LPGAT1: variants seen among roughly 807,000 people sequenced by gnomAD.
LPGAT1 encodes the protein lysophosphatidylglycerol acyltransferase 1.
A neutral mutation model predicts 47.5 loss-of-function variants in LPGAT1; 11 were observed. The ratio of observed to expected loss-of-function variants is 0.23; its 90% confidence interval spans 0.15 to 0.38. LPGAT1 has a LOEUF of 0.38. Ranked by LOEUF, LPGAT1 falls within the 10% of genes least tolerant of loss-of-function variation. The pLI is 1.00. For synonymous variants in LPGAT1, 138 were observed against 144.2 expected, an observed-to-expected ratio of 0.96 and a Z score of 0.31; for missense variants, 293 against 439.0, an observed-to-expected ratio of 0.67 and a Z score of 2.97.
chr1:211,785,083 G>A (rs1048285206), intron 4 of LPGAT1, among the ~76,000 whole-genome samples: 28 of 152,166 alleles, frequency 1.8e-4, no homozygotes, highest in East Asian at 3.9e-4. Context: ...GATTACAGGC[G>A]TGAGCCACTG....
chr1:211,777,802 G>A (rs1053995454), intron 6 of LPGAT1, among the ~76,000 whole-genome samples: 1 of 152,132 alleles, frequency 6.6e-6, no homozygotes, highest in East Asian at 1.9e-4. Flanking sequence ...AGACCTACTC[G>A]GCTGCATTCC....
intron 6 of LPGAT1, among the ~76,000 whole-genome samples, chr1:211,753,663 G>C (rs1657306348): frequency 6.6e-6 from 1 of 152,144 alleles, no homozygotes; most frequent in African/African-American, 2.4e-5. Flanking sequence ...AAAGGTTAAT[G>C]AACCCCCATG....
chr1:211,776,042 T>G (rs1409870086), intron 6 of LPGAT1, among the ~76,000 whole-genome samples: 1 of 147,524 alleles, frequency 6.8e-6, no homozygotes, highest in African/African-American at 2.4e-5. Context: ...AGGACTTATC[T>G]ATGTTGGCTC....
At chr1:211,759,538 T>G (rs1163435160) in intron 6 of LPGAT1, among the ~76,000 whole-genome samples, 1 of 152,242 alleles carries the variant, frequency 6.6e-6, no homozygotes, top group Non-Finnish European at 1.5e-5. Context: ...TCCTTCATTT[T>G]TCCCGCTTTC....
chr1:211,829,033 T>C, intron 2 of LPGAT1, 26 bp downstream of exon 2: 10 of 1,605,574 alleles, frequency 6.2e-6, no homozygotes, highest in Non-Finnish European at 8.5e-6. Flanking sequence ...TTCTTATGCA[T>C]TAAAGAAAAG....
At chr1:211,793,952 A>G (rs1450551914) in intron 2 of LPGAT1, among the ~76,000 whole-genome samples, 5 of 152,252 alleles carry the variant, frequency 3.3e-5, no homozygotes, top group Non-Finnish European at 7.3e-5. Flanking sequence ...ATGTATTATC[A>G]ACTAACAAAG....
At chr1:211,768,511 G>A (rs530416269) in intron 6 of LPGAT1, among the ~76,000 whole-genome samples, 5 of 152,208 alleles carry the variant, frequency 3.3e-5, no homozygotes, top group East Asian at 1.9e-4. Flanking sequence ...AACATTTATC[G>A]TTTAGACTTT....
chr1:211,781,551 C>T (rs2102535700), intron 5 of LPGAT1, among the ~76,000 whole-genome samples: 1 of 152,180 alleles, frequency 6.6e-6, no homozygotes, highest in Non-Finnish European at 1.5e-5. Context: ...AGCTGACTGC[C>T]AAGCAGCTGC....
At chr1:211,774,465 C>T (rs766762805) in intron 6 of LPGAT1, among the ~76,000 whole-genome samples, 6 of 152,210 alleles carry the variant, frequency 3.9e-5, no homozygotes, top group Admixed American at 6.5e-5. Flanking sequence ...ACAATGCATC[C>T]GCCAAAGTCA....
chr1:211,771,609 T>C (rs1395501532), intron 6 of LPGAT1, among the ~76,000 whole-genome samples: 1 of 152,084 alleles, frequency 6.6e-6, no homozygotes, highest in Non-Finnish European at 1.5e-5. Context: ...GTTCAAGCAA[T>C]TCTCATGACT....
At chr1:211,802,087 C>CAA (rs758493700) in intron 2 of LPGAT1, among the ~76,000 whole-genome samples, 57 of 108,552 alleles carry the variant, frequency 5.3e-4, no homozygotes, top group African/African-American at 1.9e-3. Flanking sequence ...GACTCTGTCT[C>CAA]AAAAAAAAAA....
chr1:211,767,151 T>C (rs1657953081), intron 6 of LPGAT1, among the ~76,000 whole-genome samples: 1 of 152,220 alleles, frequency 6.6e-6, no homozygotes, highest in Non-Finnish European at 1.5e-5. Flanking sequence ...TTTCTTTTTT[T>C]CTTTTGAGAC....
At chr1:211,824,320 T>TGA (rs1216525530) in intron 2 of LPGAT1, among the ~76,000 whole-genome samples, 3 of 152,024 alleles carry the variant, frequency 2.0e-5, no homozygotes, top group Admixed American at 6.6e-5. Context: ...CACTTGAACC[T>TGA]GAGAGAGAGA....
At chr1:211,829,857 G>C in intron 1 of LPGAT1, 5 of 973,246 alleles carry the variant, frequency 5.1e-6, no homozygotes, top group Non-Finnish European at 6.0e-6. Flanking sequence ...TAGCAATAGG[G>C]TTTTTGTTTC....
At chr1:211,759,874 T>C (rs917958913) in intron 6 of LPGAT1, among the ~76,000 whole-genome samples, 3 of 152,266 alleles carry the variant, frequency 2.0e-5, no homozygotes, top group African/African-American at 7.2e-5. Context: ...TTCATTCATA[T>C]GTAAGTTTAT....
At chr1:211,776,171 C>A (rs1290170979) in intron 6 of LPGAT1, among the ~76,000 whole-genome samples, 1 of 151,868 alleles carries the variant, frequency 6.6e-6, no homozygotes, top group African/African-American at 2.4e-5. Context: ...CATGAAATAT[C>A]TTAAGTGGGA....
intron 6 of LPGAT1, among the ~76,000 whole-genome samples, chr1:211,760,490 G>A (rs1657651733): frequency 6.6e-6 from 1 of 151,732 alleles, no homozygotes; most frequent in African/African-American, 2.4e-5. Flanking sequence ...CAGATATATT[G>A]TGTTTTCATT....
chr1:211,751,701 A>G (rs1297903063), intron 6 of LPGAT1, among the ~76,000 whole-genome samples: 4 of 152,174 alleles, frequency 2.6e-5, no homozygotes, highest in Non-Finnish European at 4.4e-5. Context: ...TGAGGACTAC[A>G]TATTTGCTGA....
chr1:211,774,357 C>G (rs1232358122), intron 6 of LPGAT1, among the ~76,000 whole-genome samples: 1 of 151,910 alleles, frequency 6.6e-6, no homozygotes, highest in African/African-American at 2.4e-5. Flanking sequence ...CTCAAGTGAT[C>G]TGCCCATCTC....
Sources: gnomAD v4.1 joint callset for allele counts (sites outside exome capture counted in the v4.1 genomes callset) on GRCh38, gnomAD v4.1.1 for gene constraint, MANE v1.5 for transcripts, NCBI Gene and HGNC (gene_info 2026-07-23, HGNC 2026-07-21) for gene names.